The following TRIP11 variants were observed in gnomAD, a reference collection of about 807,000 sequenced individuals.
The protein encoded by TRIP11 is thyroid hormone receptor interactor 11, also known as thyroid receptor-interacting protein 11.
Under a neutral mutation model 223.1 loss-of-function variants are expected in TRIP11, and 148 were observed. The observed-to-expected ratio is 0.66, with a 90% CI of 0.58 to 0.76. The LOEUF is 0.76. Ranked by LOEUF, TRIP11 falls within the 30% of genes least tolerant of loss-of-function variation. The pLI, the probability that TRIP11 is intolerant of heterozygous loss-of-function variation, is 0.00. For missense variants in TRIP11, 2,043 were observed against 2,222.0 expected, an observed-to-expected ratio of 0.92 and a Z score of 1.62; for synonymous variants, 762 against 772.6, an observed-to-expected ratio of 0.99 and a Z score of 0.23.
chr14:92,003,974 C>G lies in TRIP11; in HGVS notation c.4002G>C (p.Lys1334Asn), dbSNP rs1306510980. 6.2e-7 allele frequency: 1 copy of G among 1,614,182 alleles called. No individual in the cohort carries two copies. Residue 1334 changes from lysine (K) to asparagine (N), a missense_variant, in exon 11 of 21, where the codon AAG (lysine) becomes AAC (asparagine). Coordinates refer to ENST00000267622, the MANE Select transcript of TRIP11 (RefSeq NM_004239.4). ...CAGAAGATTCACTCAATACTTCAGA[C>G]TTACTTGCTCTAAGACACTCTGCAG... is the stretch of plus-strand genomic sequence containing the variant. ...PQSAECLRAS[K>N]SEVLSESSEL...
rs755763320 is a variant in TRIP11 at position 91,988,371 on chromosome 14, C to A, written c.5173G>T (p.Glu1725Ter). 1 of 1,613,650 alleles carries A rather than the reference C, an allele frequency of 6.2e-7. No individual in the cohort carries two copies. The highest frequency in any genetic ancestry group is 1.3e-5 in the African/African-American group (1 of 75,010). Reference protein sequence around the residue: ...KVISLQECLDEANAALDSASR... With the variant: ...KVISLQECLD ...GCTGAATCCAATGCAGCATTTGCTT[C>A]ATCCAAACATTCCTGAGAAAGAAAA... Residue 1725 changes from glutamate to a stop codon, truncating the protein, a stop_gained, in exon 16 of 21, where the codon GAA becomes TAA. Coordinates refer to ENST00000267622, the MANE Select transcript of TRIP11 (RefSeq NM_004239.4). LOFTEE classifies it high-confidence loss of function.
At chr14:92,015,967 G>T in intron 5 of TRIP11, 106 bp from the exon 6 acceptor site, 1 of 1,133,532 alleles carries the variant, frequency 8.8e-7, no homozygotes. Flanking sequence ...AGAATTCTCA[G>T]AACATGTTAA....
At chr14:92,034,043 T>C (rs563950830) in intron 1 of TRIP11, among the ~76,000 whole-genome samples, 2 of 152,208 alleles carry the variant, frequency 1.3e-5, no homozygotes, top group Admixed American at 1.3e-4. Context: ...GCCCGAGCAC[T>C]CCCTCTGTAT....
intron 9 of TRIP11, among the ~76,000 whole-genome samples, chr14:92,009,489 A>G (rs1379331138): frequency 6.6e-6 from 1 of 152,160 alleles, no homozygotes; most frequent in Non-Finnish European, 1.5e-5. Context: ...CCTGCCAGGT[A>G]AGTGCAGAGA....
At position 92,003,536 on chromosome 14, in the gene TRIP11, T is replaced by C. The variant is rs780561401; in HGVS notation, c.4440A>G (p.Gln1480=). The C allele has an allele frequency of 1.9e-6, 3 of 1,614,176 alleles. No individual in the cohort carries two copies. The South Asian group carries it at 3.3e-5, about 18-fold the overall frequency. ...ETYRGKETEY[Q]ALQETNMKFS... Reference sequence around the variant, plus strand: ...ACTTCATGTTAGTCTCTTGTAACGCTTGATATTCTGTTTCCTTTCCCCTGT... The same window carrying C: ...ACTTCATGTTAGTCTCTTGTAACGCCTGATATTCTGTTTCCTTTCCCCTGT... Residue 1480 remains glutamine (Q), a synonymous_variant, in exon 11 of 21, where the codon CAA becomes CAG. Transcript: ENST00000267622.
intron 1 of TRIP11, among the ~76,000 whole-genome samples, chr14:92,036,229 T>C (rs2057324019): frequency 6.6e-6 from 1 of 152,018 alleles, no homozygotes; most frequent in African/African-American, 2.4e-5. Flanking sequence ...ACTCCACACC[T>C]CCCCCAACAA....
intron 20 of TRIP11, among the ~76,000 whole-genome samples, chr14:91,970,658 G>A (rs1282106437): frequency 6.6e-6 from 1 of 152,070 alleles, no homozygotes; most frequent in East Asian, 1.9e-4. Flanking sequence ...AAATACAGGA[G>A]GATGAAAGAG....
chr14:91,980,899 T>C (rs1236125363), intron 16 of TRIP11, among the ~76,000 whole-genome samples: 1 of 150,178 alleles, frequency 6.7e-6, no homozygotes, highest in Middle Eastern at 3.2e-3. Flanking sequence ...TAATTAAATA[T>C]AATCAAAGCA....
Position 92,033,211 on chromosome 14 carries a change from T to G in TRIP11, c.182A>C (p.His61Pro), listed in dbSNP as rs142109985. ...TCTTACCTCTGATCTCAAGATTGCA[T>G]GAATGGCTTCAATTTCCTTTGTCCT... ...DSRTKEIEAI[H>P]AILRSENERL... Residue 61 changes from histidine to proline, a missense_variant, in exon 2 of 21, where the codon CAT becomes CCT. Physicochemically the swap from His to Pro is moderately conservative, Grantham distance 77. Transcript: ENST00000267622. The G allele has an allele frequency of 6.2e-7, 1 of 1,613,254 alleles. No individual in the cohort carries two copies.
chr14:91,999,560 A>C, intron 12 of TRIP11, 127 bp from the exon 13 acceptor site: 1 of 1,014,782 alleles, frequency 9.9e-7, no homozygotes, highest in Non-Finnish European at 1.5e-6. Flanking sequence ...ATACTGCAAA[A>C]TGTATTTATG....
In TRIP11 at chr14:92,025,373, T is replaced by C; in HGVS notation, c.249A>G (p.Glu83=). The stretch of plus-strand genomic sequence containing the variant: ...GCTGCTTTATTTGAATCTCTGATGC[T>C]TCATGTTTCTCTTCTAGATCAGTAC... ...KLCTDLEEKH[E]ASEIQIKQQS... is the part of the protein sequence containing the mutation. Residue 83 remains glutamate, a synonymous_variant, in exon 3 of 21, where the codon GAA becomes GAG. Transcript: ENST00000267622. The C allele has an allele frequency of 6.2e-7, 1 of 1,613,594 alleles. No homozygotes were observed. Among genetic ancestry groups the C allele is most frequent in the Non-Finnish European group, 8.5e-7 (1 of 1,179,940 alleles).
chr14:92,009,920 G>T (rs1031067264), intron 9 of TRIP11, among the ~76,000 whole-genome samples: 3 of 152,132 alleles, frequency 2.0e-5, no homozygotes, highest in African/African-American at 4.8e-5. Context: ...AGCCACAGAG[G>T]TACAAAAGAT....
intron 19 of TRIP11, among the ~76,000 whole-genome samples, chr14:91,973,388 T>C (rs934446841): frequency 3.3e-5 from 5 of 152,180 alleles, no homozygotes; most frequent in African/African-American, 4.8e-5. Flanking sequence ...ATCAATAGTC[T>C]GATGGTAACA....
In TRIP11 at chr14:92,004,713, T is replaced by C; in HGVS notation, c.3263A>G (p.Gln1088Arg). 2.5e-6 allele frequency: 4 copies of C among 1,614,162 alleles called. No individual in the cohort carries two copies. The highest frequency in any genetic ancestry group is 3.4e-6 in the Non-Finnish European group (4 of 1,180,026). ...CATAGCATAAGCCTGCAGTTGCTGT[T>C]GAAGGTAAACAACATCTTGAGTATG... Reference protein sequence around the residue: ...TSHTQDVVYLQQQLQAYAMER... With the variant: ...TSHTQDVVYLRQQLQAYAMER... Residue 1088 changes from glutamine to arginine, a missense_variant, in exon 11 of 21, where the codon CAA becomes CGA. Physicochemically the swap from Gln to Arg is conservative, Grantham distance 43. Transcript: ENST00000267622.
chr14:92,007,856 A>G lies in TRIP11; in HGVS notation c.1315-4T>C. On this transcript the variant is annotated splice_polypyrimidine_tract_variant and splice_region_variant and intron_variant, in intron 9 of 20. Transcript: ENST00000267622. The stretch of plus-strand genomic sequence containing the variant: ...AAAGTGACATCTGAAGTTCTTCCTG[A>G]AATGATAAAAGGAAAAAAGCAACAC... The G allele has an allele frequency of 6.3e-7, 1 of 1,599,176 alleles. No individual in the cohort carries two copies. The highest frequency in any genetic ancestry group is 8.5e-7 in the Non-Finnish European group (1 of 1,171,832).
In TRIP11 at chr14:92,006,434, T is replaced by C. The variant is rs778930038; in HGVS notation, c.1542A>G (p.Ile514Met). The C allele has an allele frequency of 1.2e-6, 2 of 1,612,712 alleles. No individual in the cohort carries two copies. Among genetic ancestry groups the C allele is most frequent in the Admixed American group, 3.3e-5 (2 of 60,014 alleles). The change falls in exon 11 of 21, where the codon ATA becomes ATG. Residue 514 changes from isoleucine to methionine, a missense_variant. Physicochemically the swap from Ile to Met is conservative, Grantham distance 10. Transcript: ENST00000267622. ...NQEATKHMIL[I>M]KDQLSKQQNE... ...TTTGTTGTTTTGATAGCTGATCTTT[T>C]ATCAAAATCATGTGCTGAAAGAAAA...
intron 11 of TRIP11, among the ~76,000 whole-genome samples, chr14:92,000,878 T>G (rs1054867867): frequency 6.6e-6 from 1 of 151,510 alleles, no homozygotes; most frequent in African/African-American, 2.4e-5. Context: ...TTTTTTTTTT[T>G]GAGACGGAGT....
intron 5 of TRIP11, among the ~76,000 whole-genome samples, chr14:92,016,716 A>T (rs1183421555): frequency 6.6e-6 from 1 of 152,156 alleles, no homozygotes; most frequent in Non-Finnish European, 1.5e-5. Context: ...AAACCTCAAA[A>T]CAATCCTACA....
At chr14:91,976,301 T>C (rs1173874457) in intron 16 of TRIP11, 112 bp from the exon 17 acceptor site, 2 of 888,272 alleles carry the variant, frequency 2.3e-6, no homozygotes, top group Non-Finnish European at 1.8e-6. Flanking sequence ...TATACACTTA[T>C]TCTAATTGGG....
Sources: gnomAD v4.1 joint callset for allele counts (sites outside exome capture counted in the v4.1 genomes callset) on GRCh38, gnomAD v4.1.1 for gene constraint, MANE v1.5 for transcripts, NCBI Gene and HGNC (gene_info 2026-07-23, HGNC 2026-07-21) for gene names.